Variants in KLHL2 observed in about 807,000 individuals in gnomAD.
KLHL2 encodes the protein kelch-like protein 2.
KLHL2 carries 15 observed loss-of-function variants against 75.8 expected under a neutral mutation model. That is an observed-to-expected ratio of 0.20 (90% confidence interval 0.13 to 0.30). The LOEUF is 0.30. KLHL2 is among the 10% of genes least tolerant of loss of function. The pLI is 1.00. For missense variants in KLHL2, 381 were observed against 741.0 expected, an observed-to-expected ratio of 0.51 and a Z score of 5.64; for synonymous variants, 214 against 251.9, an observed-to-expected ratio of 0.85 and a Z score of 1.42.
rs1464819252 is a variant in KLHL2 at position 165,207,943 on chromosome 4, C to T, written c.26+41C>T. On this transcript the variant is annotated intron_variant, in intron 1 of 14. Coordinates refer to ENST00000226725, the MANE Select transcript of KLHL2 (RefSeq NM_007246.4). The surrounding 1 kb of genome is among the most constrained non-coding windows in gnomAD (Gnocchi z 4.2). ...GGCGGGCTGCGCCGCTGCGGATAAGCGCGCCGCTGCGGCGCGTGTCGCCGG... is the reference window on the plus strand; with the variant it reads ...GGCGGGCTGCGCCGCTGCGGATAAGTGCGCCGCTGCGGCGCGTGTCGCCGG... 3.8e-6 allele frequency: 5 copies of T among 1,327,212 alleles called. No individual in the cohort carries two copies. The African/African-American group carries it at 4.7e-5, about 12-fold the overall frequency. The allele number at this position is 1,327,212 out of a possible 1,614,324, so 82.2% of individuals were successfully genotyped here. A position where few individuals can be genotyped will look rare whatever the true frequency, so the allele number is the denominator to read the frequency against.
At chr4:165,234,468 A>T (rs1425230682) in intron 3 of KLHL2, among the ~76,000 whole-genome samples, 3 of 152,144 alleles carry the variant, frequency 2.0e-5, no homozygotes, top group Non-Finnish European at 1.5e-5. Context: ...TAGAATTTTT[A>T]AAATGAAATG....
chr4:165,219,667 G>C, intron 1 of KLHL2: 3 of 1,198,050 alleles, frequency 2.5e-6, no homozygotes, highest in Non-Finnish European at 2.1e-6. Flanking sequence ...TATCTGCTAA[G>C]CCACTTCTGC....
chr4:165,291,264 C>T (rs1218966311), intron 5 of KLHL2, among the ~76,000 whole-genome samples: 3 of 151,882 alleles, frequency 2.0e-5, no homozygotes, highest in East Asian at 1.9e-4. Context: ...CAAAGATTTT[C>T]CCCCAGTCTG....
intron 11 of KLHL2, among the ~76,000 whole-genome samples, chr4:165,312,430 T>TTG (rs1184526677): frequency 6.7e-6 from 1 of 148,544 alleles, no homozygotes; most frequent in Non-Finnish European, 1.5e-5. Context: ...TATTATTATT[T>TTG]TTTTTTAATT....
At chr4:165,264,847 T>C (rs1742120026) in intron 5 of KLHL2, among the ~76,000 whole-genome samples, 1 of 149,108 alleles carries the variant, frequency 6.7e-6, no homozygotes. Flanking sequence ...GTGATAAACA[T>C]ACACATCTGG....
intron 14 of KLHL2, among the ~76,000 whole-genome samples, chr4:165,321,624 C>T (rs1037828469): frequency 2.6e-5 from 4 of 152,188 alleles, no homozygotes; most frequent in Admixed American, 1.3e-4. Context: ...ACCCCTGACC[C>T]CCATGTCGGT....
chr4:165,321,510 T>C, intron 14 of KLHL2: 1 of 316,356 alleles, frequency 3.2e-6, no homozygotes. Context: ...TATGTGTTAA[T>C]TGACTGTATC....
At chr4:165,277,920 T>C (rs1743272309) in intron 5 of KLHL2, 2 of 889,704 alleles carry the variant, frequency 2.2e-6, no homozygotes, top group South Asian at 1.3e-5. Context: ...TAAGAGACAA[T>C]TGCTGGGTTG....
At chr4:165,278,485 C>T (rs779779189) in intron 5 of KLHL2, 36 of 1,593,758 alleles carry the variant, frequency 2.3e-5, no homozygotes, top group Non-Finnish European at 2.7e-5. Flanking sequence ...GGCATTTATT[C>T]GTGAATTGAG....
At chr4:165,287,605 C>T (rs1250147315) in intron 5 of KLHL2, among the ~76,000 whole-genome samples, 1 of 152,144 alleles carries the variant, frequency 6.6e-6, no homozygotes, top group African/African-American at 2.4e-5. Context: ...ATTTTATAAT[C>T]TTACCAACAG....
At chr4:165,240,700 TC>T (rs1214515535) in intron 4 of KLHL2, among the ~76,000 whole-genome samples, 5 of 152,220 alleles carry the variant, frequency 3.3e-5, no homozygotes, top group Admixed American at 3.3e-4. Flanking sequence ...TTTTGTTCAT[TC>T]TTTTTATTCA....
At chr4:165,281,786 G>T (rs1039983590) in intron 5 of KLHL2, among the ~76,000 whole-genome samples, 1 of 152,154 alleles carries the variant, frequency 6.6e-6, no homozygotes, top group African/African-American at 2.4e-5. Context: ...TACATATATG[G>T]AAGGATTCAT....
At chr4:165,230,050 A>G (rs539855470) in intron 3 of KLHL2, among the ~76,000 whole-genome samples, 5 of 152,226 alleles carry the variant, frequency 3.3e-5, no homozygotes, top group African/African-American at 7.2e-5. Flanking sequence ...TTCAGCTGAG[A>G]GCTGAGGTTG....
In KLHL2 at chr4:165,264,082, T is replaced by C. The variant is rs1449611812; in HGVS notation, c.544+723T>C. 3.9e-5 allele frequency among the ~76,000 whole-genome samples: 6 copies of C among 152,156 alleles called. No homozygotes were observed. The East Asian group carries it at 9.6e-4, about 24-fold the overall frequency. ...TCTGCAGTTGGGGAGGAGACATTGT[T>C]ATAGCTTTGAATGCACACACATAGT... On this transcript the variant is annotated intron_variant, in intron 5 of 14. Transcript: ENST00000226725.
At chr4:165,252,967 C>T (rs1740858721) in intron 4 of KLHL2, among the ~76,000 whole-genome samples, 1 of 152,168 alleles carries the variant, frequency 6.6e-6, no homozygotes, top group South Asian at 2.1e-4. Flanking sequence ...TGCTCTGGTC[C>T]CTGACTTAAA....
intron 4 of KLHL2, among the ~76,000 whole-genome samples, chr4:165,253,092 T>C (rs1172346751): frequency 6.6e-6 from 1 of 152,178 alleles, no homozygotes; most frequent in African/African-American, 2.4e-5. Context: ...AATGCAGTGG[T>C]GCGATCTCGG....
rs577760749 is a variant in KLHL2 at position 165,319,961 on chromosome 4, A to C, written c.1753+1992A>C. ...GAAGGTGAAGGATCTAAAGCTGGAG[A>C]ATTTCCTCAGCCTACTCAAGCAAAG... On this transcript the variant is annotated intron_variant, in intron 14 of 14. Transcript: ENST00000226725. The surrounding 1 kb of genome is among the most constrained non-coding windows in gnomAD (Gnocchi z 4.5). 6.6e-6 allele frequency among the ~76,000 whole-genome samples: 1 copy of C among 152,274 alleles called. No individual in the cohort carries two copies. Among genetic ancestry groups the C allele is most frequent in the South Asian group, 2.1e-4 (1 of 4,824 alleles).
At chr4:165,296,116 C>T (rs1204216816) in intron 6 of KLHL2, among the ~76,000 whole-genome samples, 2 of 152,210 alleles carry the variant, frequency 1.3e-5, no homozygotes, top group East Asian at 1.9e-4. Context: ...TCTGAGACCT[C>T]GGCTAAGGTG....
Position 165,322,221 on chromosome 4 carries a change from AT to A in KLHL2, c.*166del. 2 of 665,700 alleles carry A rather than the reference AT, an allele frequency of 3.0e-6. No individual in the cohort carries two copies. The highest frequency in any genetic ancestry group is 1.8e-5 in the African/African-American group (1 of 55,332). 41.2% of individuals were successfully genotyped at this position (665,700 alleles called of 1,614,324 possible). A position where few individuals can be genotyped will look rare whatever the true frequency, so the allele number is the denominator to read the frequency against. On this transcript the variant is annotated 3_prime_UTR_variant, in exon 15 of 15. Transcript: ENST00000226725. The stretch of plus-strand genomic sequence containing the variant: ...TTATAGGCCTCAGATACTGAAGATT[AT>A]TTTTGGTAGAAGCACCGTGTAGGCT...
Sources: gnomAD v4.1 joint callset for allele counts (sites outside exome capture counted in the v4.1 genomes callset) on GRCh38, gnomAD v4.1.1 for gene constraint, Gnocchi (gnomAD v3.1) non-coding constraint, MANE v1.5 for transcripts, NCBI Gene and HGNC (gene_info 2026-07-23, HGNC 2026-07-21) for gene names.